Variants in KCTD3 observed in about 807,000 individuals in gnomAD.
KCTD3 encodes the protein BTB/POZ domain-containing protein KCTD3.
KCTD3 carries 41 observed loss-of-function variants against 85.8 expected under a neutral mutation model. The ratio of observed to expected loss-of-function variants is 0.48; its 90% CI spans 0.37 to 0.62. The LOEUF is 0.62. Ranked by LOEUF, KCTD3 falls within the 20% of genes least tolerant of loss-of-function variation. The pLI is 0.00. For missense variants in KCTD3, 724 were observed against 989.9 expected, an observed-to-expected ratio of 0.73 and a Z score of 3.60; for synonymous variants, 338 against 345.4, an observed-to-expected ratio of 0.98 and a Z score of 0.24.
chr1:215,616,296 A>G (rs1055676217), intron 15 of KCTD3, among the ~76,000 whole-genome samples: 1 of 152,344 alleles, frequency 6.6e-6, no homozygotes, highest in Non-Finnish European at 1.5e-5. Flanking sequence ...TTATTTAAAA[A>G]TAAATGTAAT....
At chr1:215,602,443 G>A (rs894376748) in intron 12 of KCTD3, among the ~76,000 whole-genome samples, 1 of 149,928 alleles carries the variant, frequency 6.7e-6, no homozygotes, top group Non-Finnish European at 1.5e-5. Context: ...TGCATTTGTT[G>A]AGCCATATTA....
At chr1:215,615,170 G>A (rs952956200) in intron 15 of KCTD3, among the ~76,000 whole-genome samples, 2 of 152,112 alleles carry the variant, frequency 1.3e-5, no homozygotes, top group African/African-American at 4.8e-5. Flanking sequence ...CTGTAGAATT[G>A]AATAGAAAAT....
intron 6 of KCTD3, 104 bp from the exon 7 acceptor site, chr1:215,578,896 G>A (rs550776890): frequency 3.0e-5 from 19 of 630,972 alleles, no homozygotes; most frequent in Admixed American, 3.0e-4. Flanking sequence ...GATGTATTTC[G>A]GCTTTAATGA....
At position 215,621,310 on chromosome 1, in the gene KCTD3, G is replaced by A. The variant is rs905343756; in HGVS notation, c.*692G>A. On this transcript the variant is annotated 3_prime_UTR_variant, in exon 18 of 18. Transcript: ENST00000259154. ...AACTTTCAAGTTGGAGCAATTGTCT[G>A]TGTTTGAAAAGATGAAATAAAAATA... The A allele has an allele frequency of 6.6e-6, 1 of 152,218 alleles. No individual in the cohort carries two copies. Among genetic ancestry groups the A allele is most frequent in the Non-Finnish European group, 1.5e-5 (1 of 67,974 alleles). The allele number at this position is 152,218 out of a possible 1,614,324, so 9.4% of individuals were successfully genotyped here. A position where few individuals can be genotyped will look rare whatever the true frequency, so the allele number is the denominator to read the frequency against.
At chr1:215,617,583 AT>A (rs373803481) in intron 15 of KCTD3, among the ~76,000 whole-genome samples, 104 of 151,854 alleles carry the variant, frequency 6.8e-4, no homozygotes, top group African/African-American at 2.2e-3. Context: ...TATATTGATT[AT>A]TTTGAGGTGA....
chr1:215,600,519 A>G (rs928014679), intron 10 of KCTD3, among the ~76,000 whole-genome samples: 1 of 152,114 alleles, frequency 6.6e-6, no homozygotes, highest in Non-Finnish European at 1.5e-5. Flanking sequence ...ATTGTAGTCT[A>G]TTTTAGTGCC....
At chr1:215,585,990 A>C (rs1391129341) in intron 8 of KCTD3, among the ~76,000 whole-genome samples, 1 of 152,132 alleles carries the variant, frequency 6.6e-6, no homozygotes, top group African/African-American at 2.4e-5. Context: ...TGTCCATCTG[A>C]AGTACAAAAA....
At position 215,599,460 on chromosome 1, in the gene KCTD3, CTG is replaced by C. The variant is rs745951177; in HGVS notation, c.934-2405_934-2404del. On this transcript the variant is annotated intron_variant, in intron 10 of 17. Transcript: ENST00000259154. ...GGGAAGATAGACTGGTATTTTAAAA[CTG>C]TAAATTTAAATTTACATGTAGAAAT... is the stretch of plus-strand genomic sequence containing the variant. Among the ~76,000 whole-genome samples the C allele has an allele frequency of 3.9e-5, 6 of 152,266 alleles. No individual in the cohort carries two copies. The East Asian group carries it at 9.7e-4, about 25-fold the overall frequency.
intron 10 of KCTD3, among the ~76,000 whole-genome samples, chr1:215,598,726 GTTAAATAGAAGCGCAGCTAAAAGAAAA>G (rs1312798479): frequency 6.6e-6 from 1 of 152,062 alleles, no homozygotes; most frequent in Non-Finnish European, 1.5e-5. Context: ...TTATTTAATG[GTTAAATAGAAGCGCAGCTAAAAGAAAA>G]TTAGTAAATT....
Position 215,620,233 on chromosome 1 carries a change from G to T in KCTD3, c.2063G>T (p.Gly688Val), listed in dbSNP as rs749050996. ...RNVERAVPEN[G>V]NLGPIQAEVK... The stretch of plus-strand genomic sequence containing the variant: ...GTAGAAAGAGCTGTCCCTGAAAATG[G>T]TAACTTGGGTCCAATACAAGCTGAA... The change falls in exon 18 of 18, where the codon GGT (glycine) becomes GTT (valine). Residue 688 changes from glycine to valine, a missense_variant. Transcript: ENST00000259154. 3 of 1,613,904 alleles carry T rather than the reference G, an allele frequency of 1.9e-6. No homozygotes were observed. Among genetic ancestry groups the T allele is most frequent in the Non-Finnish European group, 2.5e-6 (3 of 1,179,856 alleles).
intron 15 of KCTD3, among the ~76,000 whole-genome samples, chr1:215,614,842 A>G (rs1053524367): frequency 2.0e-5 from 3 of 152,210 alleles, no homozygotes; most frequent in African/African-American, 7.2e-5. Flanking sequence ...TGATGAATAA[A>G]TTCTTTGAGA....
intron 10 of KCTD3, among the ~76,000 whole-genome samples, chr1:215,596,907 T>C (rs1454332786): frequency 6.6e-6 from 1 of 152,168 alleles, no homozygotes; most frequent in African/African-American, 2.4e-5. Flanking sequence ...GTATATGGGA[T>C]CTACAGCACA....
chr1:215,606,477 T>C (rs1337075052), intron 13 of KCTD3, among the ~76,000 whole-genome samples: 1 of 152,112 alleles, frequency 6.6e-6, no homozygotes, highest in Non-Finnish European at 1.5e-5. Context: ...TAAAAGATGC[T>C]GAATAAATGT....
At chr1:215,593,813 A>G (rs773544876) in intron 9 of KCTD3, among the ~76,000 whole-genome samples, 1 of 152,104 alleles carries the variant, frequency 6.6e-6, no homozygotes. Context: ...GTGTTTTTCA[A>G]ATGATTAAGA....
intron 1 of KCTD3, among the ~76,000 whole-genome samples, chr1:215,571,878 G>A (rs991080191): frequency 3.9e-5 from 6 of 152,162 alleles, no homozygotes; most frequent in African/African-American, 9.6e-5. Context: ...TGATCTGCCC[G>A]CCTCGGCCTC....
intron 9 of KCTD3, among the ~76,000 whole-genome samples, chr1:215,588,004 C>T (rs1660075343): frequency 6.6e-6 from 1 of 152,180 alleles, no homozygotes; most frequent in Non-Finnish European, 1.5e-5. Flanking sequence ...AGGGAGTTGT[C>T]ACACTCACTG....
intron 12 of KCTD3, 133 bp from the exon 13 acceptor site, chr1:215,603,999 A>T: frequency 1.8e-6 from 1 of 571,038 alleles, no homozygotes; most frequent in Non-Finnish European, 3.0e-6. Context: ...TTTTTTTTTT[A>T]CTGAACTGGA....
At chr1:215,584,735 T>G (rs73085429) in intron 8 of KCTD3, among the ~76,000 whole-genome samples, 3,807 of 152,280 alleles carry the variant, frequency 0.025, 152 homozygotes, top group African/African-American at 0.085. Flanking sequence ...GAAAGCATGC[T>G]ATTCCAGTCA....
Position 215,618,951 on chromosome 1 carries a change from G to A in KCTD3, c.1628G>A (p.Gly543Glu). 6.2e-7 allele frequency: 1 copy of A among 1,613,620 alleles called. No individual in the cohort carries two copies. Among genetic ancestry groups the A allele is most frequent in the Non-Finnish European group, 8.5e-7 (1 of 1,179,734 alleles). The change falls in exon 16 of 18, where the codon GGA (glycine) becomes GAA (glutamate). Residue 543 changes from glycine (G) to glutamate (E), a missense_variant. Coordinates refer to ENST00000259154, the MANE Select transcript of KCTD3 (RefSeq NM_016121.5). Reference sequence around the variant, plus strand: ...TCATTTACAGTGAGGGAATGTGAGGGATCCAGTAGGATGGGCTCAAGACCA... The same window carrying A: ...TCATTTACAGTGAGGGAATGTGAGGAATCCAGTAGGATGGGCTCAAGACCA... Reference protein sequence around the residue: ...ISSFTVRECEGSSRMGSRPRR... With the variant: ...ISSFTVRECEESSRMGSRPRR...
Sources: gnomAD v4.1 joint callset for allele counts (sites outside exome capture counted in the v4.1 genomes callset) on GRCh38, gnomAD v4.1.1 for gene constraint, MANE v1.5 for transcripts, NCBI Gene and HGNC (gene_info 2026-07-23, HGNC 2026-07-21) for gene names.